The following SOCS2 variants were observed in gnomAD, a reference collection of about 807,000 sequenced individuals.
SOCS2 encodes the protein CIS-2.
SOCS2 carries 10 observed loss-of-function variants against 18.6 expected under a neutral mutation model. The observed-to-expected ratio is 0.54, with a 90% CI of 0.33 to 0.91. SOCS2 has a LOEUF of 0.91. Among genes scored for constraint, SOCS2 ranks in the 40% least tolerant of loss-of-function variants. The pLI, the probability that SOCS2 is intolerant of heterozygous loss-of-function variation, is 0.02. For missense variants in SOCS2, 231 were observed against 247.2 expected, an observed-to-expected ratio of 0.93 and a Z score of 0.44; for synonymous variants, 104 against 104.0, an observed-to-expected ratio of 1.00 and a Z score of 0.00.
At chr12:93,613,324 G>A in the SOCS2 span, among the ~76,000 whole-genome samples, 2 of 152,030 alleles carry the variant, frequency 1.3e-5, no homozygotes, top group Admixed American at 6.6e-5. Context: ...AGCCTACTGC[G>A]GTCAATGCTT....
chr12:93,613,117 C>T, the SOCS2 span, among the ~76,000 whole-genome samples: 2 of 152,164 alleles, frequency 1.3e-5, no homozygotes, highest in South Asian at 4.1e-4. Context: ...AAGGGCAATG[C>T]CAAGGAACAG....
chr12:93,580,714 C>T (rs1445885671), downstream of SOCS2, among the ~76,000 whole-genome samples: 1 of 152,084 alleles, frequency 6.6e-6, no homozygotes, highest in African/African-American at 2.4e-5. Flanking sequence ...TTAACATTCC[C>T]CCTTGCCATC....
the SOCS2 span, among the ~76,000 whole-genome samples, chr12:93,614,409 CTTTCTTT>C: frequency 1.5e-5 from 2 of 137,656 alleles, no homozygotes; most frequent in African/African-American, 2.9e-5. Context: ...TTCTTTCTTT[CTTTCTTT>C]CTTCCTTTCT....
chr12:93,591,250 A>AAC, the SOCS2 span, among the ~76,000 whole-genome samples: 1 of 151,694 alleles, frequency 6.6e-6, no homozygotes, highest in African/African-American at 2.4e-5. Context: ...TTAAAAAAAA[A>AAC]ACAAACGAAC....
At chr12:93,584,444 C>T (rs1954571477), downstream of SOCS2, among the ~76,000 whole-genome samples, 1 of 152,132 alleles carries the variant, frequency 6.6e-6, no homozygotes, top group African/African-American at 2.4e-5. Context: ...AGGAGGGAAA[C>T]TTGAGATTTG....
At chr12:93,616,461 C>G in the SOCS2 span, among the ~76,000 whole-genome samples, 9 of 152,224 alleles carry the variant, frequency 5.9e-5, no homozygotes, top group Non-Finnish European at 8.8e-5. Flanking sequence ...ACTGGGGTTT[C>G]TGTTTATTTC....
At chr12:93,610,895 T>G in the SOCS2 span, among the ~76,000 whole-genome samples, 1 of 152,314 alleles carries the variant, frequency 6.6e-6, no homozygotes, top group South Asian at 2.1e-4. Context: ...AAGGTGTTTT[T>G]TTAATAGCAA....
chr12:93,582,927 C>T (rs7310512), intron 1 of SOCS2: 44,171 of 151,046 alleles, frequency 0.29, 7,244 homozygotes, highest in African/African-American at 0.45. Flanking sequence ...GATTGTAGTA[C>T]AGATTTTACC....
At chr12:93,600,213 T>G in the SOCS2 span, among the ~76,000 whole-genome samples, 8 of 152,360 alleles carry the variant, frequency 5.3e-5, no homozygotes, top group East Asian at 1.5e-3. Context: ...GAAAATGAAC[T>G]AACCCAGTAC....
chr12:93,585,488 A>G (rs564094690), downstream of SOCS2, among the ~76,000 whole-genome samples: 1 of 152,338 alleles, frequency 6.6e-6, no homozygotes, highest in Admixed American at 6.5e-5. Context: ...CAGGAAGCAC[A>G]GTTCTCCCCT....
the SOCS2 span, among the ~76,000 whole-genome samples, chr12:93,599,674 C>T: frequency 1.3e-5 from 2 of 152,164 alleles, no homozygotes; most frequent in African/African-American, 4.8e-5. Flanking sequence ...GAGGGCTCTG[C>T]CTTCTTAAAT....
chr12:93,622,171 T>C, the SOCS2 span, among the ~76,000 whole-genome samples: 4 of 152,166 alleles, frequency 2.6e-5, no homozygotes, highest in African/African-American at 9.7e-5. Context: ...GTAAAATCCT[T>C]ATCTGACAGC....
the SOCS2 span, among the ~76,000 whole-genome samples, chr12:93,601,593 G>A: frequency 0.037 from 5,633 of 152,272 alleles, 127 homozygotes; most frequent in Middle Eastern, 0.13. Flanking sequence ...ACAGGCGAGA[G>A]CCACAGCGCC....
chr12:93,611,562 G>A, the SOCS2 span, among the ~76,000 whole-genome samples: 61 of 152,156 alleles, frequency 4.0e-4, no homozygotes, highest in African/African-American at 1.4e-3. Context: ...CTTTGCAGAC[G>A]GCATTATTTC....
At chr12:93,602,316 G>C in the SOCS2 span, among the ~76,000 whole-genome samples, 1 of 152,096 alleles carries the variant, frequency 6.6e-6, no homozygotes. Flanking sequence ...GGCTGTTCTC[G>C]AACTCCTGAG....
At chr12:93,585,531 T>C (rs1954579263), downstream of SOCS2, among the ~76,000 whole-genome samples, 1 of 152,230 alleles carries the variant, frequency 6.6e-6, no homozygotes, top group Non-Finnish European at 1.5e-5. Context: ...AAATGTTTGG[T>C]GAGCGGCATG....
the SOCS2 span, among the ~76,000 whole-genome samples, chr12:93,605,396 C>T: frequency 1.3e-5 from 2 of 152,138 alleles, no homozygotes; most frequent in African/African-American, 4.8e-5. Flanking sequence ...TCCTGAAGGG[C>T]CATTACCTGT....
the SOCS2 span, among the ~76,000 whole-genome samples, chr12:93,609,058 A>C: frequency 6.6e-6 from 1 of 152,064 alleles, no homozygotes; most frequent in Non-Finnish European, 1.5e-5. Flanking sequence ...TCAGGAGTTC[A>C]AGACCAGCCT....
chr12:93,617,089 C>G, the SOCS2 span, among the ~76,000 whole-genome samples: 1 of 152,176 alleles, frequency 6.6e-6, no homozygotes, highest in East Asian at 1.9e-4. Flanking sequence ...ATCAGGCAAA[C>G]AATTATATCA....
Sources: allele counts gnomAD v4.1 joint callset (sites outside exome capture counted in the v4.1 genomes callset), GRCh38; gene constraint gnomAD v4.1.1; transcripts MANE v1.5; gene names NCBI Gene and HGNC (gene_info 2026-07-23, HGNC 2026-07-21).